Variants in WDFY4 observed in about 807,000 individuals in gnomAD.
WDFY4 encodes WDFY family member 4.
Under a neutral mutation model 351.9 loss-of-function variants are expected in WDFY4, and 169 were observed. The observed-to-expected ratio is 0.48, with a 90% CI of 0.42 to 0.55. The LOEUF (loss-of-function observed/expected upper bound fraction) is 0.55, where lower values mean the gene tolerates loss of function less well. WDFY4 is among the 20% of genes least tolerant of loss of function. The pLI, the probability that WDFY4 is intolerant of heterozygous loss-of-function variation, is 0.00. For missense variants in WDFY4, 3,803 were observed against 3,935.6 expected, an observed-to-expected ratio of 0.97 and a Z score of 0.90; for synonymous variants, 1,622 against 1,574.6, an observed-to-expected ratio of 1.03 and a Z score of -0.71.
rs1349482096 is a variant in WDFY4 at position 48,778,804 on chromosome 10, T to C, written c.3369T>C (p.Ser1123=). 1 of 1,551,314 alleles carries C rather than the reference T, an allele frequency of 6.4e-7. No individual in the cohort carries two copies. The highest frequency in any genetic ancestry group is 8.7e-7 in the Non-Finnish European group (1 of 1,147,028). The change falls in exon 18 of 62, where the codon TCT becomes TCC. Residue 1123 remains serine (S), a synonymous_variant. Transcript: ENST00000325239. ...CAGACGACCTCTCCTTGGTTGTTTC[T>C]ACAGAAGAGAAGGAGTTTCAGCCTC... The part of the protein sequence containing the change: ...LCPDDLSLVV[S]TEEKEFQPLD...
intron 11 of WDFY4, among the ~76,000 whole-genome samples, chr10:48,740,672 CA>C (rs1336847731): frequency 2.0e-5 from 3 of 152,258 alleles, no homozygotes; most frequent in Non-Finnish European, 4.4e-5. Flanking sequence ...GCCACATCCT[CA>C]CTCGGGAGGA....
chr10:48,710,897 G>A (rs1325164474), intron 2 of WDFY4, among the ~76,000 whole-genome samples: 2 of 152,230 alleles, frequency 1.3e-5, no homozygotes, highest in East Asian at 1.9e-4. Flanking sequence ...TCCTGCCAGT[G>A]AGGTCTGCCT....
intron 39 of WDFY4, among the ~76,000 whole-genome samples, chr10:48,862,201 G>C (rs2133228227): frequency 6.6e-6 from 1 of 152,250 alleles, no homozygotes; most frequent in African/African-American, 2.4e-5. Context: ...CTCAGTTTGA[G>C]ATTTTCCTGA....
At chr10:48,827,600 T>C (rs774596185) in intron 36 of WDFY4, among the ~76,000 whole-genome samples, 1 of 150,522 alleles carries the variant, frequency 6.6e-6, no homozygotes, top group Non-Finnish European at 1.5e-5. Flanking sequence ...TATGATGTCT[T>C]ATGAATAGAG....
At chr10:48,913,322 G>A in intron 47 of WDFY4, 1 of 1,461,174 alleles carries the variant, frequency 6.8e-7, no homozygotes, top group Non-Finnish European at 9.3e-7. Context: ...GGTTTCCTGT[G>A]GAGGTAGCCC....
chr10:48,841,490 T>G (rs907812851), intron 39 of WDFY4, among the ~76,000 whole-genome samples: 1 of 152,182 alleles, frequency 6.6e-6, no homozygotes, highest in Non-Finnish European at 1.5e-5. Flanking sequence ...AATCTTCTAA[T>G]GTATGTTTTC....
At chr10:48,696,378 C>T (rs2063330604) in intron 1 of WDFY4, among the ~76,000 whole-genome samples, 1 of 152,256 alleles carries the variant, frequency 6.6e-6, no homozygotes, top group Non-Finnish European at 1.5e-5. Flanking sequence ...CTGCCCCTGA[C>T]TCCACCTGGC....
At chr10:48,722,669 G>A (rs554696684) in intron 4 of WDFY4, among the ~76,000 whole-genome samples, 32 of 150,884 alleles carry the variant, frequency 2.1e-4, no homozygotes, top group African/African-American at 6.0e-4. Context: ...ACACACACAC[G>A]TGCACACACA....
At chr10:48,826,069 G>A (rs80071646) in intron 35 of WDFY4, among the ~76,000 whole-genome samples, 3 of 152,126 alleles carry the variant, frequency 2.0e-5, no homozygotes, top group African/African-American at 4.8e-5. Flanking sequence ...GATTTTCTTC[G>A]AGAGGTTTTA....
At chr10:48,959,636 A>C (rs1013229679) in intron 52 of WDFY4, 86 bp from the exon 53 acceptor site, 1 of 1,231,924 alleles carries the variant, frequency 8.1e-7, no homozygotes, top group African/African-American at 1.5e-5. Flanking sequence ...CAAAATCAGC[A>C]ATCCTGGGCA....
intron 39 of WDFY4, among the ~76,000 whole-genome samples, chr10:48,837,768 G>A (rs2068452986): frequency 6.6e-6 from 1 of 152,146 alleles, no homozygotes; most frequent in South Asian, 2.1e-4. Flanking sequence ...AGGGGTGGGA[G>A]CCTCTCTGGG....
chr10:48,685,581 G>A (rs1336222686), intron 1 of WDFY4, among the ~76,000 whole-genome samples: 1 of 152,190 alleles, frequency 6.6e-6, no homozygotes, highest in Non-Finnish European at 1.5e-5. Context: ...AATTATTACA[G>A]CAAACCATTG....
intron 24 of WDFY4, among the ~76,000 whole-genome samples, chr10:48,800,075 G>A (rs563383719): frequency 1.4e-4 from 22 of 152,072 alleles, no homozygotes; most frequent in Non-Finnish European, 2.9e-4. Flanking sequence ...TAGTAGAGAC[G>A]GGGTTTCACC....
rs760747266 is a variant in WDFY4, at chr10:48,709,870, G to T, written c.138G>T (p.Met46Ile). 2.6e-5 allele frequency: 40 copies of T among 1,551,982 alleles called. No individual in the cohort carries two copies. The highest frequency in any genetic ancestry group is 3.2e-5 in the Non-Finnish European group (37 of 1,147,062). Residue 46 changes from methionine (M) to isoleucine (I), a missense_variant, in exon 2 of 62, where the codon ATG (methionine) becomes ATT (isoleucine). By Grantham distance (10) the Met-to-Ile change is conservative. This residue lies in a region of WDFY4 where 488 missense variants were observed against 456.8 expected (regional missense o/e 1.07). Coordinates refer to ENST00000325239, the MANE Select transcript of WDFY4 (RefSeq NM_001394531.1). ...QSSSPTALWD[M>I]LERKFLEYQQ... ...CCAGCCCCACAGCTCTCTGGGACAT[G>T]CTGGAAAGGAAGTTTCTGGAATACC...
At chr10:48,809,987 G>C (rs1322896450) in intron 28 of WDFY4, among the ~76,000 whole-genome samples, 1 of 152,156 alleles carries the variant, frequency 6.6e-6, no homozygotes, top group Non-Finnish European at 1.5e-5. Context: ...TTTCATCCAG[G>C]TCCCATCAGC....
chr10:48,950,016 AT>A (rs1212652984), intron 51 of WDFY4, among the ~76,000 whole-genome samples: 1 of 152,130 alleles, frequency 6.6e-6, no homozygotes, highest in Non-Finnish European at 1.5e-5. Context: ...TATTTAAACT[AT>A]TTTATACTTA....
intron 47 of WDFY4, chr10:48,913,901 T>C (rs898934469): frequency 6.2e-7 from 1 of 1,614,150 alleles, no homozygotes; most frequent in Non-Finnish European, 8.5e-7. Flanking sequence ...GCAGCTTGTC[T>C]ATGTAGTTGC....
At position 48,790,735 on chromosome 10, in the gene WDFY4, G is replaced by A. The variant is rs41282009; in HGVS notation, c.4075G>A (p.Val1359Ile). ...CACTTTATGCCACACAGGGGTGAGG[G>A]TATTCCACTCCAGCCCTGCTGCCAG... is the stretch of plus-strand genomic sequence containing the variant. ...AVAVGQLGVR[V>I]FHSSPAASSL... Residue 1359 changes from valine (V) to isoleucine (I), a missense_variant, in exon 23 of 62, where the codon GTA (valine) becomes ATA (isoleucine). Physicochemically the swap from Val to Ile is conservative, Grantham distance 29. Transcript: ENST00000325239. 0.063 allele frequency: 97,889 copies of A among 1,551,660 alleles called. 6,111 individuals carry two copies. The highest frequency in any genetic ancestry group is 0.36 in the East Asian group (14,861 of 40,898).
intron 19 of WDFY4, among the ~76,000 whole-genome samples, chr10:48,781,845 G>A (rs2066236249): frequency 6.6e-6 from 1 of 152,050 alleles, no homozygotes; most frequent in South Asian, 2.1e-4. Context: ...ATTGTTTTAG[G>A]TTCTAAGAAT....
Sources: allele counts gnomAD v4.1 joint callset (sites outside exome capture counted in the v4.1 genomes callset), GRCh38; gene constraint gnomAD v4.1.1; regional missense constraint gnomAD v4.1.1; transcripts MANE v1.5; gene names NCBI Gene and HGNC (gene_info 2026-07-23, HGNC 2026-07-21).